Variants in MGAT4C observed in about 807,000 individuals in gnomAD.
MGAT4C encodes alpha-1,3-mannosyl-glycoprotein 4-beta-N-acetylglucosaminyltransferase C.
A neutral mutation model predicts 40.1 loss-of-function variants in MGAT4C; 19 were observed. The observed-to-expected ratio is 0.47, with a 90% confidence interval of 0.33 to 0.70. The LOEUF (loss-of-function observed/expected upper bound fraction) is 0.70, where lower values mean the gene tolerates loss of function less well. MGAT4C is among the 30% of genes least tolerant of loss of function. MGAT4C has a pLI of 0.02. For synonymous variants in MGAT4C, 181 were observed against 187.1 expected (o/e 0.97, Z 0.27); for missense variants, 491 against 563.2 (o/e 0.87, Z 1.30).
intron 3 of MGAT4C, among the ~76,000 whole-genome samples, chr12:86,392,784 G>GA (rs1956181772): frequency 6.6e-6 from 1 of 152,166 alleles, no homozygotes; most frequent in Non-Finnish European, 1.5e-5. Context: ...ATATATGTTT[G>GA]AATGAATTAG....
At chr12:86,588,784 A>C (rs1367146789) in intron 2 of MGAT4C, among the ~76,000 whole-genome samples, 1 of 152,076 alleles carries the variant, frequency 6.6e-6, no homozygotes, top group African/African-American at 2.4e-5. Flanking sequence ...AAGCTGAACA[A>C]CCTGCTCCTG....
intron 3 of MGAT4C, among the ~76,000 whole-genome samples, chr12:86,386,526 T>C (rs1271036392): frequency 2.0e-5 from 3 of 152,222 alleles, no homozygotes; most frequent in Non-Finnish European, 4.4e-5. Flanking sequence ...AGTTGAAACA[T>C]ATCTTATTTT....
intron 3 of MGAT4C, among the ~76,000 whole-genome samples, chr12:86,433,977 A>G (rs906738361): frequency 2.0e-5 from 3 of 152,042 alleles, no homozygotes; most frequent in Admixed American, 6.6e-5. Context: ...TACCTAATCA[A>G]TAAATACCTA....
chr12:86,320,122 G>A (rs1356815429), intron 4 of MGAT4C, among the ~76,000 whole-genome samples: 2 of 151,886 alleles, frequency 1.3e-5, no homozygotes, highest in African/African-American at 4.8e-5. Flanking sequence ...CCCTCACCAC[G>A]TCTTCTTCTA....
intron 1 of MGAT4C, among the ~76,000 whole-genome samples, chr12:86,147,372 C>G (rs1187301397): frequency 2.0e-5 from 3 of 151,978 alleles, no homozygotes; most frequent in Non-Finnish European, 2.9e-5. Context: ...CTCCCAAGTA[C>G]CTGGGACTAC....
intron 4 of MGAT4C, among the ~76,000 whole-genome samples, chr12:86,279,859 A>C (rs1056842132): frequency 2.6e-5 from 4 of 151,994 alleles, no homozygotes; most frequent in African/African-American, 9.7e-5. Context: ...TTGTTTCAAG[A>C]AATTTTTCAA....
At chr12:86,422,305 A>T (rs561147341) in intron 3 of MGAT4C, among the ~76,000 whole-genome samples, 4 of 152,340 alleles carry the variant, frequency 2.6e-5, no homozygotes, top group African/African-American at 9.6e-5. Flanking sequence ...GCCGCTGTTC[A>T]AAACCTTGGA....
intron 3 of MGAT4C, among the ~76,000 whole-genome samples, chr12:86,363,473 GA>G (rs1425091170): frequency 3.3e-5 from 5 of 151,824 alleles, no homozygotes; most frequent in African/African-American, 9.7e-5. Context: ...GAGTTGGGGG[GA>G]AAATTTATAG....
intron 1 of MGAT4C, among the ~76,000 whole-genome samples, chr12:86,141,330 G>A (rs879906593): frequency 6.6e-6 from 1 of 152,112 alleles, no homozygotes; most frequent in Non-Finnish European, 1.5e-5. Context: ...ATAAAATAAA[G>A]TGAATTCAAT....
intron 2 of MGAT4C, among the ~76,000 whole-genome samples, chr12:86,630,587 G>C (rs981455730): frequency 6.6e-6 from 1 of 151,842 alleles, no homozygotes; most frequent in Non-Finnish European, 1.5e-5. Flanking sequence ...GGGATGCAAG[G>C]CTGGTTCAAC....
rs1883988698 is a variant in MGAT4C, at chr12:85,976,439, A to G, written c.*2850T>C. On this transcript the variant is annotated 3_prime_UTR_variant, in exon 5 of 5. Transcript: ENST00000611864. ...GATACTTTTTTCTTTGATGTCCATA[A>G]CTGCTGAAAAGGCTCCCCTAAGGAG... 6.6e-6 allele frequency: 1 copy of G among 150,714 alleles called. No individual in the cohort carries two copies. Among genetic ancestry groups the G allele is most frequent in the Admixed American group, 6.6e-5 (1 of 15,082 alleles). The allele number at this position is 150,714 out of a possible 1,614,324, so 9.3% of individuals were successfully genotyped here. A position where few individuals can be genotyped will look rare whatever the true frequency, so the allele number is the denominator to read the frequency against.
intron 2 of MGAT4C, among the ~76,000 whole-genome samples, chr12:86,001,311 C>T (rs1309805683): frequency 6.6e-6 from 1 of 152,190 alleles, no homozygotes; most frequent in African/African-American, 2.4e-5. Flanking sequence ...TGAGAACAAT[C>T]TCTTTCTCCT....
intron 1 of MGAT4C, among the ~76,000 whole-genome samples, chr12:86,241,971 A>T (rs1951808130): frequency 6.6e-6 from 1 of 152,074 alleles, no homozygotes; most frequent in Non-Finnish European, 1.5e-5. Context: ...AATTGAGAAA[A>T]TACCACTGTA....
rs1442045941 is a variant in MGAT4C, at chr12:85,980,227, C to T, written c.499G>A (p.Gly167Arg). ...TQKFAHHIIA[G>R]RLMVIHAPEE... ...GGAGCATGTATAACCATTAATCTTCCTGCAATAATATGGTGCGCAAATTTC... is the reference window on the plus strand; with the variant it reads ...GGAGCATGTATAACCATTAATCTTCTTGCAATAATATGGTGCGCAAATTTC... The change falls in exon 5 of 5, where the codon GGA becomes AGA. Residue 167 changes from glycine (G) to arginine (R), a missense_variant. Physicochemically the swap from Gly to Arg is moderately radical, Grantham distance 125. Transcript: ENST00000611864. 4 of 1,613,804 alleles carry T rather than the reference C, an allele frequency of 2.5e-6. No homozygotes were observed. The highest frequency in any genetic ancestry group is 3.4e-6 in the Non-Finnish European group (4 of 1,179,848).
intron 2 of MGAT4C, among the ~76,000 whole-genome samples, chr12:86,485,514 CT>C (rs1958005527): frequency 6.6e-6 from 1 of 151,946 alleles, no homozygotes. Context: ...TTCAAGTCAA[CT>C]CACTCAGAAA....
intron 1 of MGAT4C, among the ~76,000 whole-genome samples, chr12:86,758,778 A>G (rs1951350555): frequency 6.6e-6 from 1 of 152,090 alleles, no homozygotes; most frequent in African/African-American, 2.4e-5. Context: ...ACTTCCACAA[A>G]CACAAATATG....
intron 1 of MGAT4C, among the ~76,000 whole-genome samples, chr12:86,740,904 G>T (rs958266019): frequency 1.3e-5 from 2 of 150,936 alleles, no homozygotes; most frequent in Admixed American, 6.6e-5. Flanking sequence ...TGTTACATGG[G>T]TATATGATGT....
chr12:86,513,709 A>C (rs1393510627), intron 2 of MGAT4C, among the ~76,000 whole-genome samples: 1 of 152,202 alleles, frequency 6.6e-6, no homozygotes, highest in Non-Finnish European at 1.5e-5. Context: ...CAATGACAAC[A>C]CTAGCAAAAA....
At chr12:86,572,813 T>C (rs1960418724) in intron 2 of MGAT4C, among the ~76,000 whole-genome samples, 1 of 151,958 alleles carries the variant, frequency 6.6e-6, no homozygotes, top group Non-Finnish European at 1.5e-5. Flanking sequence ...GAAGCACACA[T>C]CAATTATCAA....
Sources: gnomAD v4.1 joint callset for allele counts (sites outside exome capture counted in the v4.1 genomes callset) on GRCh38, gnomAD v4.1.1 for gene constraint, MANE v1.5 for transcripts, NCBI Gene and HGNC (gene_info 2026-07-23, HGNC 2026-07-21) for gene names.